PRAMEF15: variants seen among roughly 807,000 people sequenced by gnomAD.
The protein encoded by PRAMEF15 is PRAME family member 15.
PRAMEF15 carries 21 observed loss-of-function variants against 35.3 expected under a neutral mutation model. That is an observed-to-expected ratio of 0.59 (90% CI 0.42 to 0.86). The LOEUF is 0.86. PRAMEF15 is among the 40% of genes least tolerant of loss of function. PRAMEF15 has a pLI of 0.00. For synonymous variants in PRAMEF15, 122 were observed against 223.3 expected, an observed-to-expected ratio of 0.55 and a Z score of 4.05; for missense variants, 360 against 574.1, an observed-to-expected ratio of 0.63 and a Z score of 3.81.
Position 13,318,608 on chromosome 1 carries a change from T to A in PRAMEF15, c.201T>A (p.Pro67=). ...MVQAWPFRRL[P]LRPLIKMPCL... ...AGGCCTGGCCCTTCCGCCGCCTCCCTCTGAGGCCTCTGATAAAGATGCCTT... is the reference window on the plus strand; with the variant it reads ...AGGCCTGGCCCTTCCGCCGCCTCCCACTGAGGCCTCTGATAAAGATGCCTT... The change falls in exon 2 of 4, where the codon CCT becomes CCA. Residue 67 remains proline (P), a synonymous_variant. Transcript: ENST00000376152. 6.2e-7 allele frequency: 1 copy of A among 1,613,842 alleles called. No individual in the cohort carries two copies. Among genetic ancestry groups the A allele is most frequent in the Non-Finnish European group, 8.5e-7 (1 of 1,179,856 alleles).
At chr1:13,320,185 G>C (rs1200780365) in intron 3 of PRAMEF15, among the ~76,000 whole-genome samples, 1 of 152,074 alleles carries the variant, frequency 6.6e-6, no homozygotes, top group Non-Finnish European at 1.5e-5. Context: ...TGCCATGCTA[G>C]GAAGCTAGCT....
chr1:13,316,845 C>A (rs1201887728), intron 1 of PRAMEF15, among the ~76,000 whole-genome samples: 1 of 151,270 alleles, frequency 6.6e-6, no homozygotes, highest in Admixed American at 6.6e-5. Context: ...TGTCTAATAT[C>A]AGGAAGAGAT....
Position 13,322,139 on chromosome 1 carries a change from G to T in PRAMEF15, c.1312G>T (p.Ala438Ser). Residue 438 changes from alanine to serine, a missense_variant, in exon 4 of 4, where the codon GCT becomes TCT. Ala to Ser is a moderately conservative substitution (Grantham distance 99, BLOSUM62 1). Transcript: ENST00000376152. ...CTGGAGCAGATTTGCTCAAATTAGG[G>T]CTGAGCTGATGAACAGAGTGAGGGA... ...LCWSRFAQIR[A>S]ELMNRVRDLR... 6.2e-7 allele frequency: 1 copy of T among 1,609,476 alleles called. No individual in the cohort carries two copies. The highest frequency in any genetic ancestry group is 8.5e-7 in the Non-Finnish European group (1 of 1,179,194).
Position 13,322,389 on chromosome 1 carries a change from G to A in PRAMEF15, c.*125G>A, listed in dbSNP as rs1320039778. 1 of 712,406 alleles carries A rather than the reference G, an allele frequency of 1.4e-6. No individual in the cohort carries two copies. The highest frequency in any genetic ancestry group is 2.3e-6 in the Non-Finnish European group (1 of 437,368). The allele number at this position is 712,406 out of a possible 1,614,324, so 44.1% of individuals were successfully genotyped here. A position where few individuals can be genotyped will look rare whatever the true frequency, so the allele number is the denominator to read the frequency against. On this transcript the variant is annotated 3_prime_UTR_variant, in exon 4 of 4. Transcript: ENST00000376152. ...ATCATTTCACACATAGGCTCTGAAA[G>A]TGGGAAAGGAAAGCTGATCAAGCAG... is the stretch of plus-strand genomic sequence containing the variant.
intron 1 of PRAMEF15, among the ~76,000 whole-genome samples, chr1:13,318,057 C>G (rs1210623374): frequency 3.9e-5 from 6 of 152,096 alleles, no homozygotes; most frequent in Admixed American, 3.3e-4. Context: ...ACTCCCATTC[C>G]CATTGTTTTA....
At position 13,318,468 on chromosome 1, in the gene PRAMEF15, AG is replaced by A; in HGVS notation, c.64del (p.Asp22ThrfsTer33). On this transcript the variant is annotated frameshift_variant, in exon 2 of 4. Transcript: ENST00000376152. LOFTEE classifies it high-confidence loss of function. ...GGAGCTTGCAGGGCGGAGCCTGCTGAGGGACCAAGCTTTGGCCATGTCCACC... is the reference window on the plus strand; with the variant it reads ...GGAGCTTGCAGGGCGGAGCCTGCTGAGGACCAAGCTTTGGCCATGTCCACC... Reference protein sequence around the residue: ...LLELAGRSLLRDQALAMSTLE... With the variant: ...LLELAGRSLLXDQALAMSTLE... 1.2e-6 allele frequency: 2 copies of A among 1,614,078 alleles called. No homozygotes were observed. The highest frequency in any genetic ancestry group is 1.7e-6 in the Non-Finnish European group (2 of 1,180,030).
rs1399009646 is a variant in PRAMEF15, at chr1:13,316,633, C to A, written c.-17+975C>A. On this transcript the variant is annotated intron_variant, in intron 1 of 3. Transcript: ENST00000376152. ...TGGTGCCACTGCATTCCAGCTTGGGCGACGATGTGAGACTCAGCTCCCTCA... is the reference window on the plus strand; with the variant it reads ...TGGTGCCACTGCATTCCAGCTTGGGAGACGATGTGAGACTCAGCTCCCTCA... 3.0e-3 allele frequency among the ~76,000 whole-genome samples: 448 copies of A among 151,724 alleles called. 14 individuals carry two copies. The highest frequency in any genetic ancestry group is 0.01 in the African/African-American group (427 of 41,302).
rs2100326739 is a variant in PRAMEF15, at chr1:13,321,814, C to T, written c.987C>T (p.Asp329=). The T allele has an allele frequency of 6.2e-7, 1 of 1,608,340 alleles. No individual in the cohort carries two copies. The highest frequency in any genetic ancestry group is 1.1e-5 in the South Asian group (1 of 90,756). Residue 329 remains aspartate (D), a synonymous_variant, in exon 4 of 4, where the codon GAC becomes GAT. Coordinates refer to ENST00000376152, the MANE Select transcript of PRAMEF15 (RefSeq NM_001098376.3). ...CPSISQLKTL[D]LSGIRLTNYS... The stretch of plus-strand genomic sequence containing the variant: ...GTATCAGTCAACTAAAGACCCTGGA[C>T]CTGAGTGGCATCAGACTGACCAATT...
Position 13,318,438 on chromosome 1 carries a change from C to G in PRAMEF15, c.31C>G (p.Leu11Val). Residue 11 changes from leucine (L) to valine (V), a missense_variant, in exon 2 of 4, where the codon CTC (leucine) becomes GTC (valine). Leu to Val is a conservative substitution (Grantham distance 32, BLOSUM62 1). Coordinates refer to ENST00000376152, the MANE Select transcript of PRAMEF15 (RefSeq NM_001098376.3). Reference protein sequence around the residue: MKMSIRTPPRLLELAGRSLLR... With the variant: MKMSIRTPPRVLELAGRSLLR... ...GATGAGCATCCGGACTCCACCCAGACTCCTGGAGCTTGCAGGGCGGAGCCT... is the reference window on the plus strand; with the variant it reads ...GATGAGCATCCGGACTCCACCCAGAGTCCTGGAGCTTGCAGGGCGGAGCCT... 6.2e-7 allele frequency: 1 copy of G among 1,613,702 alleles called. No individual in the cohort carries two copies. The highest frequency in any genetic ancestry group is 8.5e-7 in the Non-Finnish European group (1 of 1,180,012).
intron 3 of PRAMEF15, among the ~76,000 whole-genome samples, chr1:13,321,444 A>G (rs1640082152): frequency 6.6e-6 from 1 of 151,656 alleles, no homozygotes; most frequent in African/African-American, 2.4e-5. Flanking sequence ...CAAACTCCTG[A>G]TCTCAAGGAA....
chr1:13,320,612 C>G (rs1381569154), intron 3 of PRAMEF15, among the ~76,000 whole-genome samples: 3 of 151,912 alleles, frequency 2.0e-5, no homozygotes, highest in Admixed American at 6.6e-5. Context: ...TAAGTAGAGA[C>G]AGGGTTTCAC....
At chr1:13,319,332 G>T in intron 2 of PRAMEF15, 40 bp from the exon 3 acceptor site, 1 of 1,605,692 alleles carries the variant, frequency 6.2e-7, no homozygotes. Context: ...GTTCAGAAAT[G>T]AGTTCTTAAA....
chr1:13,318,917 G>T, intron 2 of PRAMEF15, among the ~76,000 whole-genome samples: 1 of 151,922 alleles, frequency 6.6e-6, no homozygotes, highest in Non-Finnish European at 1.5e-5. Context: ...AAGGCACCAT[G>T]AAAAGTGAGA....
At chr1:13,318,246 A>G (rs1382944592) in intron 1 of PRAMEF15, 146 bp from the exon 2 acceptor site, 51 of 1,403,892 alleles carry the variant, frequency 3.6e-5, no homozygotes, top group Admixed American at 2.0e-4. Flanking sequence ...TGCTGGCTTA[A>G]TGGCCACTGA....
chr1:13,320,428 A>T (rs1640068807), intron 3 of PRAMEF15, among the ~76,000 whole-genome samples: 1 of 151,868 alleles, frequency 6.6e-6, no homozygotes, highest in African/African-American at 2.4e-5. Context: ...AAACAAGATA[A>T]CTTTTTTTTT....
At position 13,316,345 on chromosome 1, in the gene PRAMEF15, A is replaced by T. The variant is rs1382806501; in HGVS notation, c.-17+687A>T. ...GTGGCTGGTGTGGGAGAATCACTTGAGCACAGAAGATTGAGGCTGCAGTGA... is the reference window on the plus strand; with the variant it reads ...GTGGCTGGTGTGGGAGAATCACTTGTGCACAGAAGATTGAGGCTGCAGTGA... On this transcript the variant is annotated intron_variant, in intron 1 of 3. Transcript: ENST00000376152. 2.6e-5 allele frequency among the ~76,000 whole-genome samples: 4 copies of T among 151,584 alleles called. 1 individual carries two copies. Among genetic ancestry groups the T allele is most frequent in the African/African-American group, 9.8e-5 (4 of 40,914 alleles).
intron 1 of PRAMEF15, among the ~76,000 whole-genome samples, chr1:13,315,943 T>G (rs1283057896): frequency 6.6e-6 from 1 of 151,552 alleles, no homozygotes; most frequent in Non-Finnish European, 1.5e-5. Flanking sequence ...GAGGATCATT[T>G]CAGCCCAGGG....
In PRAMEF15 at chr1:13,322,153, C is replaced by G. The variant is rs1394626954; in HGVS notation, c.1326C>G (p.Asn442Lys). ...RFAQIRAELM[N>K]RVRDLRHPKR... ...CTCAAATTAGGGCTGAGCTGATGAACAGAGTGAGGGACTTAAGGCACCCCA... is the reference window on the plus strand; with the variant it reads ...CTCAAATTAGGGCTGAGCTGATGAAGAGAGTGAGGGACTTAAGGCACCCCA... Residue 442 changes from asparagine (N) to lysine (K), a missense_variant, in exon 4 of 4, where the codon AAC (asparagine) becomes AAG (lysine). Physicochemically the swap from Asn to Lys is moderately conservative, Grantham distance 94. This residue lies in a region of PRAMEF15 where 147 missense variants were observed against 123.5 expected (regional missense o/e 1.19). Coordinates refer to ENST00000376152, the MANE Select transcript of PRAMEF15 (RefSeq NM_001098376.3). The G allele has an allele frequency of 1.1e-3, 1,769 of 1,609,092 alleles. 2 individuals carry two copies. In the African/African-American group the frequency reaches 0.012, roughly 10 times the overall value.
rs1200939049 is a variant in PRAMEF15 at position 13,320,599 on chromosome 1, T to A, written c.875+646T>A. 4.6e-5 allele frequency among the ~76,000 whole-genome samples: 7 copies of A among 152,114 alleles called. No homozygotes were observed. The South Asian group carries it at 6.3e-4, about 14-fold the overall frequency. On this transcript the variant is annotated intron_variant, in intron 3 of 3. Transcript: ENST00000376152. ...CCACCACACCTGGCTAATTTTTATA[T>A]TTTAAGTAGAGACAGGGTTTCACCA...
Sources: gnomAD v4.1 joint callset for allele counts (sites outside exome capture counted in the v4.1 genomes callset) on GRCh38, gnomAD v4.1.1 for gene constraint, gnomAD v4.1.1 regional missense constraint, MANE v1.5 for transcripts, NCBI Gene and HGNC (gene_info 2026-07-23, HGNC 2026-07-21) for gene names.